The following STK3 variants were observed in gnomAD, a reference collection of about 807,000 sequenced individuals.
STK3 encodes the protein serine/threonine-protein kinase 3.
Under a neutral mutation model 58.0 loss-of-function variants are expected in STK3, and 41 were observed. That is an observed-to-expected ratio of 0.71 (90% CI 0.55 to 0.92). The LOEUF (loss-of-function observed/expected upper bound fraction) is 0.92. STK3 is among the 40% of genes least tolerant of loss of function. The pLI is 0.00. For synonymous variants in STK3, 170 were observed against 191.0 expected, an observed-to-expected ratio of 0.89 and a Z score of 0.91; for missense variants, 479 against 602.7, an observed-to-expected ratio of 0.79 and a Z score of 2.15.
At chr8:98,402,961 G>T (rs544556111) in intron 3 of STK3, among the ~76,000 whole-genome samples, 8 of 152,340 alleles carry the variant, frequency 5.3e-5, no homozygotes, top group African/African-American at 1.9e-4. Flanking sequence ...AGGAGGAGCA[G>T]CCTCTGGGGA....
chr8:98,720,506 T>C (rs1827321280), intron 4 of STK3, among the ~76,000 whole-genome samples: 1 of 152,028 alleles, frequency 6.6e-6, no homozygotes, highest in Non-Finnish European at 1.5e-5. Flanking sequence ...ATCCCAGCAC[T>C]TTGGAAGGCC....
intron 10 of STK3, among the ~76,000 whole-genome samples, chr8:98,477,535 TG>T (rs1447854592): frequency 6.6e-6 from 1 of 151,868 alleles, no homozygotes; most frequent in East Asian, 1.9e-4. Flanking sequence ...ATCCCACTCA[TG>T]GGTCCTTCAC....
downstream of STK3, among the ~76,000 whole-genome samples, chr8:98,452,267 A>G (rs1563614812): frequency 1.3e-5 from 2 of 152,218 alleles, no homozygotes; most frequent in Admixed American, 6.5e-5. Context: ...GAGGAAAAAT[A>G]TAACAGCGGT....
chr8:98,823,696 T>C (rs1835059078), intron 1 of STK3, among the ~76,000 whole-genome samples: 1 of 152,240 alleles, frequency 6.6e-6, no homozygotes, highest in South Asian at 2.1e-4. Flanking sequence ...TTTGTTGTTT[T>C]TGTTTTGTTT....
rs71572022 is a variant in STK3, at chr8:98,761,126, CTT to C, written c.236+6115_236+6116del. ...AATACTGCTTGAAAGGTGACTTTTT[CTT>C]TTTTTTTTTTTTTGAGACAGGGTCT... is the stretch of plus-strand genomic sequence containing the variant. On this transcript the variant is annotated intron_variant, in intron 3 of 10. Transcript: ENST00000419617. 1.2e-3 allele frequency among the ~76,000 whole-genome samples: 168 copies of C among 140,368 alleles called. 1 individual carries two copies. Among genetic ancestry groups the C allele is most frequent in the East Asian group, 0.011 (52 of 4,852 alleles). 92.1% of individuals were successfully genotyped at this position (140,368 alleles called of 152,430 possible). A position where few individuals can be genotyped will look rare whatever the true frequency, so the allele number is the denominator to read the frequency against.
intron 1 of STK3, among the ~76,000 whole-genome samples, chr8:98,384,284 T>C (rs923466720): frequency 1.3e-5 from 2 of 152,228 alleles, no homozygotes. Context: ...CAAATTCTTT[T>C]AGCCTAATAA....
intron 6 of STK3, among the ~76,000 whole-genome samples, chr8:98,634,625 T>C (rs1007725607): frequency 1.3e-5 from 2 of 152,148 alleles, no homozygotes; most frequent in African/African-American, 2.4e-5. Context: ...GAAACAAGCC[T>C]GATGAAAAAA....
intron 4 of STK3, among the ~76,000 whole-genome samples, chr8:98,717,551 A>T (rs974413394): frequency 6.6e-6 from 1 of 152,198 alleles, no homozygotes; most frequent in African/African-American, 2.4e-5. Context: ...GAAATTGGAA[A>T]CTTTGTGTAT....
rs762376533 is a variant in STK3, at chr8:98,428,657, G to C, written n.483+5470C>G. 2.5e-6 allele frequency: 4 copies of C among 1,614,178 alleles called. No individual in the cohort carries two copies. The East Asian group carries it at 8.9e-5, about 36-fold the overall frequency. ...AGGGCAACCCTGGCGAGGACCCTAGGTTCGAAATCGTGGAGCACTTTGGCA... is the reference window on the plus strand; with the variant it reads ...AGGGCAACCCTGGCGAGGACCCTAGCTTCGAAATCGTGGAGCACTTTGGCA... On this transcript the variant is annotated intron_variant and non_coding_transcript_variant, in intron 3 of 3. Transcript: ENST00000517832. The surrounding 1 kb of genome is among the most constrained non-coding windows in gnomAD (Gnocchi z 6.7).
At chr8:98,595,735 A>T in intron 7 of STK3, 1 of 222,266 alleles carries the variant, frequency 4.5e-6, no homozygotes, top group Non-Finnish European at 9.0e-6. Context: ...TGGAGCAAAA[A>T]GTCAAAGGAT....
At chr8:98,713,146 G>C (rs1018914760) in intron 4 of STK3, among the ~76,000 whole-genome samples, 4 of 152,088 alleles carry the variant, frequency 2.6e-5, no homozygotes, top group Non-Finnish European at 4.4e-5. Context: ...TGTGTAGAGG[G>C]AAATTTATAG....
At chr8:98,521,170 C>T (rs1437972816) in intron 10 of STK3, among the ~76,000 whole-genome samples, 1 of 152,168 alleles carries the variant, frequency 6.6e-6, no homozygotes, top group South Asian at 2.1e-4. Flanking sequence ...AAGAACTGTT[C>T]TAGTCACTCC....
At chr8:98,941,833 G>C (rs1241689298) in intron 1 of STK3, among the ~76,000 whole-genome samples, 2 of 152,274 alleles carry the variant, frequency 1.3e-5, no homozygotes, top group Non-Finnish European at 2.9e-5. Context: ...TTCCCTGAGA[G>C]CGTCCTTGGT....
intron 1 of STK3, among the ~76,000 whole-genome samples, chr8:98,930,167 C>A (rs2132035071): frequency 6.6e-6 from 1 of 152,268 alleles, no homozygotes; most frequent in Non-Finnish European, 1.5e-5. Flanking sequence ...CCTAGAGTGA[C>A]AAATCCTTCA....
intron 1 of STK3, among the ~76,000 whole-genome samples, chr8:98,806,909 C>T (rs1182376076): frequency 6.6e-6 from 1 of 152,130 alleles, no homozygotes; most frequent in East Asian, 1.9e-4. Flanking sequence ...AATCCCAACA[C>T]TTTGGGAGGC....
intron 6 of STK3, among the ~76,000 whole-genome samples, chr8:98,632,117 G>T (rs1030477974): frequency 2.6e-5 from 4 of 152,202 alleles, no homozygotes; most frequent in Admixed American, 2.0e-4. Flanking sequence ...AAGCCTTTCT[G>T]AGGGATTTAC....
intron 4 of STK3, among the ~76,000 whole-genome samples, chr8:98,729,119 T>C (rs1480244553): frequency 6.6e-6 from 1 of 152,188 alleles, no homozygotes; most frequent in African/African-American, 2.4e-5. Context: ...TATGTATTTA[T>C]ATGTTTATTG....
chr8:98,769,506 C>G (rs944132869), intron 2 of STK3, among the ~76,000 whole-genome samples: 1 of 152,192 alleles, frequency 6.6e-6, no homozygotes, highest in Non-Finnish European at 1.5e-5. Context: ...TCCCTACCCA[C>G]GTGGAACTAT....
At position 98,772,657 on chromosome 8, in the gene STK3, T is replaced by C. The variant is rs142144176; in HGVS notation, c.107+2082A>G. On this transcript the variant is annotated intron_variant, in intron 2 of 10. Coordinates refer to ENST00000419617, the MANE Select transcript of STK3 (RefSeq NM_006281.4). ...GATGCAGTGAGCCACGATCACGCCA[T>C]TGCACTCCAGGCTGGATGACGAGAG... 7.7e-3 allele frequency among the ~76,000 whole-genome samples: 1,167 copies of C among 152,148 alleles called. 7 individuals carry two copies. Among genetic ancestry groups the C allele is most frequent in the Non-Finnish European group, 0.011 (768 of 68,010 alleles).
Sources: gnomAD v4.1 joint callset for allele counts (sites outside exome capture counted in the v4.1 genomes callset) on GRCh38, gnomAD v4.1.1 for gene constraint, Gnocchi (gnomAD v3.1) non-coding constraint, MANE v1.5 for transcripts, NCBI Gene and HGNC (gene_info 2026-07-23, HGNC 2026-07-21) for gene names.